Variants in JAK1 observed in about 807,000 individuals in gnomAD.
JAK1 encodes Janus kinase 1.
In JAK1, 16 loss-of-function variants were observed where a neutral mutation model predicts 136.6. The ratio of observed to expected loss-of-function variants is 0.12; its 90% CI spans 0.08 to 0.18. JAK1 has a LOEUF of 0.18. Among genes scored for constraint, JAK1 ranks in the 10% least tolerant of loss-of-function variants. The probability of loss-of-function intolerance (pLI) is 1.00; values close to 1 mark genes in which losing one functional copy is unlikely to be tolerated. For missense variants in JAK1, 859 were observed against 1,450.1 expected, an observed-to-expected ratio of 0.59 and a Z score of 6.62; for synonymous variants, 492 against 519.5, an observed-to-expected ratio of 0.95 and a Z score of 0.72.
intron 2 of JAK1, among the ~76,000 whole-genome samples, chr1:65,002,131 A>G (rs1285308754): frequency 1.3e-5 from 2 of 152,222 alleles, no homozygotes; most frequent in Admixed American, 1.3e-4. Flanking sequence ...TCCAATATGT[A>G]TGTATACACA....
At chr1:64,966,104 G>GC (rs1317157598) in intron 1 of JAK1, among the ~76,000 whole-genome samples, 1 of 151,802 alleles carries the variant, frequency 6.6e-6, no homozygotes, top group Non-Finnish European at 1.5e-5. Flanking sequence ...CCGGCCGGGG[G>GC]CCCCCGCCCG....
chr1:64,915,145 A>C (rs1419679766), intron 1 of JAK1, among the ~76,000 whole-genome samples: 3 of 152,202 alleles, frequency 2.0e-5, no homozygotes, highest in Admixed American at 6.5e-5. Context: ...CTAAAATGGC[A>C]GATTGAACAG....
At chr1:64,975,842 C>T (rs1458477800) in intron 2 of JAK1, among the ~76,000 whole-genome samples, 8 of 152,188 alleles carry the variant, frequency 5.3e-5, no homozygotes, top group Non-Finnish European at 8.8e-5. Flanking sequence ...TCCACTTCCT[C>T]GGGCTGATGA....
intron 1 of JAK1, among the ~76,000 whole-genome samples, chr1:64,911,744 G>C (rs1645289373): frequency 6.6e-6 from 1 of 152,146 alleles, no homozygotes; most frequent in South Asian, 2.1e-4. Flanking sequence ...CAAATGTCAG[G>C]AGAAAATATC....
At chr1:65,060,577 CTTAT>C (rs1010225254) in intron 1 of JAK1, among the ~76,000 whole-genome samples, 8 of 151,906 alleles carry the variant, frequency 5.3e-5, no homozygotes, top group Non-Finnish European at 1.2e-4. Flanking sequence ...CCTTTTTCTC[CTTAT>C]TTTTCTCTCA....
At chr1:65,019,831 G>T (rs936439049) in intron 2 of JAK1, among the ~76,000 whole-genome samples, 1 of 151,990 alleles carries the variant, frequency 6.6e-6, no homozygotes, top group Non-Finnish European at 1.5e-5. Flanking sequence ...CAGGAGAATT[G>T]CTTGAACCCG....
At chr1:64,938,503 A>G (rs1645830660) in intron 1 of JAK1, among the ~76,000 whole-genome samples, 1 of 152,246 alleles carries the variant, frequency 6.6e-6, no homozygotes, top group Admixed American at 6.5e-5. Flanking sequence ...TCAGCCTTCT[A>G]TTAAGGCACA....
At chr1:64,988,564 C>G (rs1377964373) in intron 2 of JAK1, among the ~76,000 whole-genome samples, 2 of 151,966 alleles carry the variant, frequency 1.3e-5, no homozygotes, top group Non-Finnish European at 2.9e-5. Context: ...TTACAGCCAC[C>G]AAGTGGATGC....
At position 65,005,150 on chromosome 1, in the gene JAK1, C is replaced by A. The variant is rs529227170; in HGVS notation, c.-78+39330G>T. Among the ~76,000 whole-genome samples, 8 of 152,188 alleles carry A rather than the reference C, an allele frequency of 5.3e-5. No homozygotes were observed. In the South Asian group the frequency reaches 1.7e-3, roughly 32 times the overall value. On this transcript the variant is annotated intron_variant, in intron 2 of 25. Transcript: ENST00000671954. ...TATCAAACGAAAACTGTAAGACCAG[C>A]CTGGCCAACATGATGAAGCCCCATC...
intron 2 of JAK1, among the ~76,000 whole-genome samples, chr1:64,978,785 C>A (rs1334116779): frequency 1.3e-5 from 2 of 151,710 alleles, no homozygotes; most frequent in African/African-American, 4.8e-5. Context: ...ACAATCAAGG[C>A]CGGGGTGCTA....
In JAK1 at chr1:64,857,703, C is replaced by T. The variant is rs1387066409; in HGVS notation, c.1411G>A (p.Asp471Asn). Residue 471 changes from aspartate to asparagine, a missense_variant, in exon 10 of 25, where the codon GAC becomes AAC. Coordinates refer to ENST00000342505, the MANE Select transcript of JAK1 (RefSeq NM_002227.4). ...ACGGTCATGAGGATGTTGTCAAAGT[C>T]GGTGCAGCTCCACCTCAGCACGTAC... ...GMYVLRWSCT[D>N]FDNILMTVTC... The T allele has an allele frequency of 2.0e-5, 33 of 1,614,080 alleles. No homozygotes were observed. Among genetic ancestry groups the T allele is most frequent in the African/African-American group, 2.7e-5 (2 of 74,934 alleles).
intron 1 of JAK1, among the ~76,000 whole-genome samples, chr1:64,929,002 T>C (rs557964959): frequency 3.3e-5 from 5 of 152,306 alleles, no homozygotes; most frequent in South Asian, 4.1e-4. Flanking sequence ...TATTAGTATC[T>C]TGTAAATATG....
intron 8 of JAK1, among the ~76,000 whole-genome samples, chr1:64,860,513 G>A (rs1656232567): frequency 6.6e-6 from 1 of 151,746 alleles, no homozygotes. Context: ...GAGTGCAGTG[G>A]TGAGATCTCG....
rs760194695 is a variant in JAK1, at chr1:64,855,564, C to A, written c.1593G>T (p.Leu531=). The A allele has an allele frequency of 1.2e-6, 2 of 1,614,176 alleles. No homozygotes were observed. The highest frequency in any genetic ancestry group is 4.5e-5 in the East Asian group (2 of 44,890). ...DLMSHLKKQI[L]RTDNISFMLK... ...GCATGAAGCTGATGTTATCCGTGCG[C>A]AGGATCTGCTTCTTGAGGTGGCTCA... The change falls in exon 11 of 25, where the codon CTG becomes CTT. Residue 531 remains leucine (L), a synonymous_variant. Coordinates refer to ENST00000342505, the MANE Select transcript of JAK1 (RefSeq NM_002227.4).
intron 11 of JAK1, among the ~76,000 whole-genome samples, chr1:64,854,455 T>C (rs1357094104): frequency 6.6e-6 from 1 of 152,154 alleles, no homozygotes; most frequent in Admixed American, 6.5e-5. Context: ...TCTCAAGAGC[T>C]AGGGCACTCA....
At chr1:65,060,656 T>C (rs1157589957) in intron 1 of JAK1, among the ~76,000 whole-genome samples, 1 of 152,186 alleles carries the variant, frequency 6.6e-6, no homozygotes, top group Non-Finnish European at 1.5e-5. Flanking sequence ...AAGCAGCAAA[T>C]TGTCATTATT....
chr1:64,885,730 GT>G (rs1470927866), intron 2 of JAK1, among the ~76,000 whole-genome samples: 2 of 151,704 alleles, frequency 1.3e-5, no homozygotes, highest in African/African-American at 4.8e-5. Context: ...CTCCAGCCTG[GT>G]GACAGAGCAA....
chr1:64,985,722 A>C, intron 2 of JAK1: 2 of 695,124 alleles, frequency 2.9e-6, no homozygotes, highest in Non-Finnish European at 5.3e-6. Flanking sequence ...GCCAATAACC[A>C]AGTAGGCCAG....
intron 2 of JAK1, among the ~76,000 whole-genome samples, chr1:65,021,646 T>C (rs1317676867): frequency 1.3e-5 from 2 of 152,096 alleles, no homozygotes; most frequent in African/African-American, 4.8e-5. Context: ...TAAACATAGC[T>C]CTCCCTGTCT....
Sources: gnomAD v4.1 joint callset for allele counts (sites outside exome capture counted in the v4.1 genomes callset) on GRCh38, gnomAD v4.1.1 for gene constraint, MANE v1.5 for transcripts, NCBI Gene and HGNC (gene_info 2026-07-23, HGNC 2026-07-21) for gene names.